The following WIPF3 variants were observed in gnomAD, a reference collection of about 807,000 sequenced individuals.
WIPF3 encodes WAS/WASL interacting protein family member 3.
WIPF3 carries 33 observed loss-of-function variants against 38.9 expected under a neutral mutation model. The observed-to-expected ratio is 0.85, with a 90% confidence interval of 0.64 to 1.14. The LOEUF is 1.14. WIPF3 is among the 50% of genes most tolerant of loss of function. The pLI, the probability that WIPF3 is intolerant of heterozygous loss-of-function variation, is 0.00. For synonymous variants in WIPF3, 324 were observed against 269.3 expected (o/e 1.20, Z -1.99); for missense variants, 711 against 652.5 (o/e 1.09, Z -0.98).
intron 5 of WIPF3, among the ~76,000 whole-genome samples, chr7:29,887,654 C>T (rs567603227): frequency 1.3e-5 from 2 of 152,320 alleles, no homozygotes; most frequent in African/African-American, 4.8e-5. Flanking sequence ...CTTCTACAGA[C>T]AGCCCTTCCT....
intron 7 of WIPF3, among the ~76,000 whole-genome samples, chr7:29,900,454 C>T (rs2269980): frequency 0.69 from 104,324 of 151,978 alleles, 36,898 homozygotes; most frequent in South Asian, 0.89. Flanking sequence ...CGCTGGTATG[C>T]AGGGTGACCT....
intron 6 of WIPF3, among the ~76,000 whole-genome samples, chr7:29,888,693 G>A (rs940700177): frequency 1.3e-5 from 2 of 152,110 alleles, no homozygotes; most frequent in Non-Finnish European, 1.5e-5. Context: ...GGAATCTTTC[G>A]ATCCCTTCTG....
chr7:29,818,215 G>A (rs1042784913), intron 1 of WIPF3, among the ~76,000 whole-genome samples: 4 of 152,056 alleles, frequency 2.6e-5, no homozygotes, highest in African/African-American at 9.7e-5. Flanking sequence ...ACTTTGGGAG[G>A]CCGAGGTGGG....
At chr7:29,847,382 T>G (rs1362061717) in intron 2 of WIPF3, among the ~76,000 whole-genome samples, 2 of 152,090 alleles carry the variant, frequency 1.3e-5, no homozygotes, top group African/African-American at 4.8e-5. Context: ...AGGGAAAGCT[T>G]CTCCTATGCC....
At chr7:29,873,022 C>T (rs1785526775) in intron 2 of WIPF3, among the ~76,000 whole-genome samples, 1 of 152,110 alleles carries the variant, frequency 6.6e-6, no homozygotes, top group East Asian at 1.9e-4. Context: ...CAAATCTGCC[C>T]TGTGGAATTG....
chr7:29,911,975 A>G (rs1786513293), intron 8 of WIPF3, among the ~76,000 whole-genome samples: 1 of 152,354 alleles, frequency 6.6e-6, no homozygotes, highest in Admixed American at 6.5e-5. Context: ...CAAAGACAAT[A>G]TAAAAAAGAA....
At chr7:29,872,468 C>A (rs1374458632) in intron 2 of WIPF3, among the ~76,000 whole-genome samples, 1 of 152,020 alleles carries the variant, frequency 6.6e-6, no homozygotes, top group Non-Finnish European at 1.5e-5. Flanking sequence ...TCCTGCCGCA[C>A]AGGAGAGGAG....
At position 29,875,871 on chromosome 7, in the gene WIPF3, A is replaced by G; in HGVS notation, c.132A>G (p.Lys44=). 1 of 1,614,086 alleles carries G rather than the reference A, an allele frequency of 6.2e-7. No individual in the cohort carries two copies. The highest frequency in any genetic ancestry group is 8.5e-7 in the Non-Finnish European group (1 of 1,179,900). The change falls in exon 3 of 9, where the codon AAA becomes AAG. Residue 44 remains lysine (K), a synonymous_variant. Transcript: ENST00000242140. The part of the protein sequence containing the change: ...DTSSLRRADP[K]GRSALLADIQ... Reference sequence around the variant, plus strand: ...CCAGCTTGCGAAGGGCAGATCCGAAAGGCCGGAGTGCGCTGTTGGCTGATA... The same window carrying G: ...CCAGCTTGCGAAGGGCAGATCCGAAGGGCCGGAGTGCGCTGTTGGCTGATA...
intron 8 of WIPF3, among the ~76,000 whole-genome samples, chr7:29,908,773 T>C (rs1786448102): frequency 6.6e-6 from 1 of 151,864 alleles, no homozygotes; most frequent in African/African-American, 2.4e-5. Context: ...CCGGGCATGG[T>C]GGTGGGCACG....
chr7:29,885,227 T>C (rs1785848784), intron 5 of WIPF3, among the ~76,000 whole-genome samples: 1 of 152,212 alleles, frequency 6.6e-6, no homozygotes, highest in Non-Finnish European at 1.5e-5. Context: ...GTTATTTGAA[T>C]TGAGCGTTCA....
At position 29,901,825 on chromosome 7, in the gene WIPF3, CAAAAAA is replaced by C. The variant is rs869296187; in HGVS notation, c.1352-2442_1352-2437del. ...TGCGCTCCAGAGCAAGTCCCTGTCT[CAAAAAA>C]AAAAAAAAAAAAAAAAAAGAAAGAA... On this transcript the variant is annotated intron_variant, in intron 7 of 8. Transcript: ENST00000242140. 9.4e-4 allele frequency among the ~76,000 whole-genome samples: 78 copies of C among 82,552 alleles called. 1 individual carries two copies. The highest frequency in any genetic ancestry group is 6.8e-3 in the Middle Eastern group (1 of 148). 54.2% of individuals were successfully genotyped at this position (82,552 alleles called of 152,430 possible).
At chr7:29,870,777 C>A (rs542116902) in intron 2 of WIPF3, among the ~76,000 whole-genome samples, 4 of 152,008 alleles carry the variant, frequency 2.6e-5, no homozygotes, top group African/African-American at 9.7e-5. Flanking sequence ...GCCAACATGG[C>A]GAAACCCCAT....
At position 29,890,651 on chromosome 7, in the gene WIPF3, C is replaced by A. The variant is rs1017730837; in HGVS notation, c.1351+1244C>A. 5.9e-5 allele frequency among the ~76,000 whole-genome samples: 9 copies of A among 152,364 alleles called. No homozygotes were observed. The South Asian group carries it at 8.3e-4, about 14-fold the overall frequency. The stretch of plus-strand genomic sequence containing the variant: ...CCTTTCTGCAGAACTCAACTTCCTG[C>A]AGAGCAGAGGGAATGCAGGCCTGCC... On this transcript the variant is annotated intron_variant, in intron 7 of 8. Coordinates refer to ENST00000242140, the MANE Select transcript of WIPF3 (RefSeq NM_001080529.3).
intron 7 of WIPF3, among the ~76,000 whole-genome samples, chr7:29,890,665 T>C (rs1785987498): frequency 6.6e-6 from 1 of 152,226 alleles, no homozygotes; most frequent in Non-Finnish European, 1.5e-5. Context: ...GCAGAGGGAA[T>C]GCAGGCCTGC....
Position 29,884,011 on chromosome 7 carries a change from G to GGCCCC in WIPF3, c.517_518insGCCCC (p.Ala173GlyfsTer37). ...AGCCCCGCCTCGCCCCAACGTGCCT[G>GGCCCC]CCCCGCCCCCTCCCACCCCACCCCC... On this transcript the variant is annotated frameshift_variant, in exon 5 of 9. Coordinates refer to ENST00000242140, the MANE Select transcript of WIPF3 (RefSeq NM_001080529.3). LOFTEE classifies it high-confidence loss of function. 7.0e-7 allele frequency: 1 copy of GGCCCC among 1,430,664 alleles called. No homozygotes were observed. The highest frequency in any genetic ancestry group is 1.4e-5 in the South Asian group (1 of 71,508). 88.6% of individuals were successfully genotyped at this position (1,430,664 alleles called of 1,614,324 possible).
chr7:29,818,571 T>G (rs2128062314), intron 1 of WIPF3, among the ~76,000 whole-genome samples: 1 of 149,270 alleles, frequency 6.7e-6, no homozygotes, highest in Non-Finnish European at 1.5e-5. Context: ...TTAATTTAAT[T>G]ATATAAAATT....
intron 2 of WIPF3, among the ~76,000 whole-genome samples, chr7:29,838,031 G>T (rs1055148229): frequency 6.6e-6 from 1 of 152,274 alleles, no homozygotes; most frequent in South Asian, 2.1e-4. Context: ...CCATTCTCCT[G>T]CCTCAGCCTC....
chr7:29,885,650 A>G (rs753337983), intron 5 of WIPF3, among the ~76,000 whole-genome samples: 5 of 152,094 alleles, frequency 3.3e-5, no homozygotes, highest in Non-Finnish European at 7.4e-5. Flanking sequence ...ATCTCTACAG[A>G]AAATAAAAAT....
chr7:29,892,159 T>G (rs1786037123), intron 7 of WIPF3, among the ~76,000 whole-genome samples: 1 of 152,190 alleles, frequency 6.6e-6, no homozygotes, highest in South Asian at 2.1e-4. Context: ...CTCCTAATAC[T>G]GCCCCAGAAT....
Sources: gnomAD v4.1 joint callset for allele counts (sites outside exome capture counted in the v4.1 genomes callset) on GRCh38, gnomAD v4.1.1 for gene constraint, MANE v1.5 for transcripts, NCBI Gene and HGNC (gene_info 2026-07-23, HGNC 2026-07-21) for gene names.